NATD1: variants seen among roughly 807,000 people sequenced by gnomAD.
NATD1 encodes the protein N-acetyltransferase domain containing 1.
Under a neutral mutation model 12.0 loss-of-function variants are expected in NATD1, and 9 were observed. That is an observed-to-expected ratio of 0.75 (90% confidence interval 0.45 to 1.30). The LOEUF is 1.30. Among genes scored for constraint, NATD1 ranks in the 50% most tolerant of loss-of-function variants. The probability of loss-of-function intolerance (pLI) is 0.00; values close to 1 mark genes in which losing one functional copy is unlikely to be tolerated. For missense variants in NATD1, 148 were observed against 148.5 expected, an observed-to-expected ratio of 1.00 and a Z score of 0.02; for synonymous variants, 71 against 65.9, an observed-to-expected ratio of 1.08 and a Z score of -0.37.
rs1975282311 is a variant in NATD1, at chr17:21,242,340, G to A, written c.*973C>T. On this transcript the variant is annotated 3_prime_UTR_variant, in exon 3 of 3. Coordinates refer to ENST00000611551, the MANE Select transcript of NATD1 (RefSeq NM_152914.3). ...TCCGGCTGTAGCCAGCCACAAAAGA[G>A]GACACTGATGTCTGGCAGCAGCACA... is the stretch of plus-strand genomic sequence containing the variant. The A allele has an allele frequency of 6.6e-6, 1 of 152,260 alleles. No homozygotes were observed. Among genetic ancestry groups the A allele is most frequent in the South Asian group, 2.1e-4 (1 of 4,834 alleles). 9.4% of individuals were successfully genotyped at this position (152,260 alleles called of 1,614,324 possible). A position where few individuals can be genotyped will look rare whatever the true frequency, so the allele number is the denominator to read the frequency against.
chr17:21,241,181 C>T lies in NATD1; in HGVS notation c.*2132G>A, dbSNP rs573456523. On this transcript the variant is annotated 3_prime_UTR_variant, in exon 3 of 3. Transcript: ENST00000611551. ...AACAGAGTGGCACCAGGCCCATTCC[C>T]TCCTGGCTCTCAAGGTCCATGCTGG... The T allele has an allele frequency of 1.3e-5, 2 of 152,506 alleles. No individual in the cohort carries two copies. Among genetic ancestry groups the T allele is most frequent in the South Asian group, 4.1e-4 (2 of 4,826 alleles). The allele number at this position is 152,506 out of a possible 1,614,324, so 9.4% of individuals were successfully genotyped here. A position where few individuals can be genotyped will look rare whatever the true frequency, so the allele number is the denominator to read the frequency against.
chr17:21,249,969 A>G (rs112659269), intron 1 of NATD1, among the ~76,000 whole-genome samples: 3 of 152,160 alleles, frequency 2.0e-5, no homozygotes, highest in African/African-American at 7.2e-5. Context: ...TTCCTTCCAC[A>G]TCTGTCCAGG....
At position 21,243,248 on chromosome 17, in the gene NATD1, C is replaced by T. The variant is rs1210517508; in HGVS notation, c.*65G>A. On this transcript the variant is annotated 3_prime_UTR_variant, in exon 3 of 3. Coordinates refer to ENST00000611551, the MANE Select transcript of NATD1 (RefSeq NM_152914.3). ...CAGTGGGACCAGGTTCCTGAGAGCA[C>T]GTGGGGCCAGGCAAAGGCCACGTGG... 24 of 1,336,570 alleles carry T rather than the reference C, an allele frequency of 1.8e-5. No individual in the cohort carries two copies. Among genetic ancestry groups the T allele is most frequent in the South Asian group, 2.4e-5 (2 of 82,402 alleles). The allele number at this position is 1,336,570 out of a possible 1,614,324, so 82.8% of individuals were successfully genotyped here.
In NATD1 at chr17:21,239,329, T is replaced by C. The variant is rs566063812; in HGVS notation, c.*3984A>G. 3 of 152,338 alleles carry C rather than the reference T, an allele frequency of 2.0e-5. No individual in the cohort carries two copies. Among genetic ancestry groups the C allele is most frequent in the Non-Finnish European group, 2.9e-5 (2 of 68,066 alleles). The allele number at this position is 152,338 out of a possible 1,614,324, so 9.4% of individuals were successfully genotyped here. A position where few individuals can be genotyped will look rare whatever the true frequency, so the allele number is the denominator to read the frequency against. On this transcript the variant is annotated 3_prime_UTR_variant, in exon 3 of 3. Coordinates refer to ENST00000611551, the MANE Select transcript of NATD1 (RefSeq NM_152914.3). ...TGTCATGAGCAGACATAAGACCTCA[T>C]ATCACACAAGCTTGATGCCACCAAG...
chr17:21,251,630 T>A (rs1452189712), intron 1 of NATD1, among the ~76,000 whole-genome samples: 1 of 152,172 alleles, frequency 6.6e-6, no homozygotes, highest in East Asian at 1.9e-4. Context: ...CACAACATTG[T>A]CAGGGTATTG....
At chr17:21,245,168 A>G (rs115487141) in intron 1 of NATD1, among the ~76,000 whole-genome samples, 2,821 of 152,126 alleles carry the variant, frequency 0.019, 84 homozygotes, top group African/African-American at 0.065. Flanking sequence ...TTCTGGGCAG[A>G]GGGAACAGCC....
chr17:21,243,532 A>C, intron 2 of NATD1, 103 bp from the exon 3 acceptor site: 1 of 844,800 alleles, frequency 1.2e-6, no homozygotes, highest in Middle Eastern at 2.9e-4. Context: ...CCACCCTTCC[A>C]CTTTGCCCAG....
At chr17:21,248,394 G>A (rs532373929) in intron 1 of NATD1, among the ~76,000 whole-genome samples, 121 of 152,298 alleles carry the variant, frequency 7.9e-4, no homozygotes, top group African/African-American at 2.3e-3. Context: ...CCCTCGGCAG[G>A]ACCGTGGACA....
At chr17:21,251,312 C>A (rs34735598) in intron 1 of NATD1, among the ~76,000 whole-genome samples, 27,564 of 133,592 alleles carry the variant, frequency 0.21, 2,873 homozygotes, top group Non-Finnish European at 0.24. Context: ...AAAAAAAAAA[C>A]AAACGTATCC....
chr17:21,243,114 T>C lies in NATD1; in HGVS notation c.*199A>G, dbSNP rs947605542. ...GAGGTGCCGGGACTACCTGGCCTCCTTGCCGCCTCGGTTACCGGGTCACCG... is the reference window on the plus strand; with the variant it reads ...GAGGTGCCGGGACTACCTGGCCTCCCTGCCGCCTCGGTTACCGGGTCACCG... On this transcript the variant is annotated 3_prime_UTR_variant, in exon 3 of 3. Coordinates refer to ENST00000611551, the MANE Select transcript of NATD1 (RefSeq NM_152914.3). The C allele has an allele frequency of 1.1e-5, 6 of 541,386 alleles. No homozygotes were observed. Among genetic ancestry groups the C allele is most frequent in the African/African-American group, 9.5e-5 (5 of 52,806 alleles). 33.5% of individuals were successfully genotyped at this position (541,386 alleles called of 1,614,324 possible). A position where few individuals can be genotyped will look rare whatever the true frequency, so the allele number is the denominator to read the frequency against.
chr17:21,239,352 A>T lies in NATD1; in HGVS notation c.*3961T>A, dbSNP rs1265854342. ...CATATCACACAAGCTTGATGCCACC[A>T]AGAGGACGGGAGCTGGGCTGGGTCC... On this transcript the variant is annotated 3_prime_UTR_variant, in exon 3 of 3. Transcript: ENST00000611551. 6.6e-6 allele frequency: 1 copy of T among 152,226 alleles called. No individual in the cohort carries two copies. Among genetic ancestry groups the T allele is most frequent in the Non-Finnish European group, 1.5e-5 (1 of 68,106 alleles). 9.4% of individuals were successfully genotyped at this position (152,226 alleles called of 1,614,324 possible).
chr17:21,252,036 C>T (rs1333148392), intron 1 of NATD1, among the ~76,000 whole-genome samples: 2 of 152,184 alleles, frequency 1.3e-5, no homozygotes, highest in Non-Finnish European at 2.9e-5. Context: ...ACTGGCAGGG[C>T]GTGGTGGCTC....
At chr17:21,251,531 G>A (rs1000362994) in intron 1 of NATD1, among the ~76,000 whole-genome samples, 11 of 152,140 alleles carry the variant, frequency 7.2e-5, no homozygotes, top group African/African-American at 2.7e-4. Flanking sequence ...GGTTGGTTGG[G>A]CCAATGGTGA....
At chr17:21,251,283 G>GAAAGAA (rs1555544843) in intron 1 of NATD1, among the ~76,000 whole-genome samples, 2 of 93,778 alleles carry the variant, frequency 2.1e-5, no homozygotes, top group African/African-American at 4.1e-5. Flanking sequence ...ACTTGGAAGA[G>GAAAGAA]AAAGAAAAAG....
At chr17:21,252,684 G>A (rs1271397138) in intron 1 of NATD1, among the ~76,000 whole-genome samples, 1 of 152,034 alleles carries the variant, frequency 6.6e-6, no homozygotes, top group Non-Finnish European at 1.5e-5. Context: ...AGGGGCAGCA[G>A]GAAGCCATAT....
chr17:21,245,508 G>T (rs1457799647), intron 1 of NATD1, among the ~76,000 whole-genome samples: 2 of 152,224 alleles, frequency 1.3e-5, no homozygotes, highest in Admixed American at 6.5e-5. Flanking sequence ...GCCAACGGCA[G>T]CAAGGAGGCC....
chr17:21,253,203 A>T lies in NATD1; in HGVS notation c.62T>A (p.Val21Glu). The T allele has an allele frequency of 9.9e-7, 1 of 1,009,192 alleles. No homozygotes were observed. The highest frequency in any genetic ancestry group is 1.2e-6 in the Non-Finnish European group (1 of 847,474). The allele number at this position is 1,009,192 out of a possible 1,614,324, so 62.5% of individuals were successfully genotyped here. The change falls in exon 1 of 3, where the codon GTG (valine) becomes GAG (glutamate). Residue 21 changes from valine (V) to glutamate (E), a missense_variant. Physicochemically the swap from Val to Glu is moderately radical, Grantham distance 121 (BLOSUM62 -2). Coordinates refer to ENST00000611551, the MANE Select transcript of NATD1 (RefSeq NM_152914.3). The part of the protein sequence containing the change: ...GALEQGCPIR[V>E]EHDRRRRQFT... ...CTGGCGGCGCCGGCGGTCGTGCTCC[A>T]CGCGGATGGGGCAGCCCTGCTCCAG...
rs764451940 is a variant in NATD1, at chr17:21,244,117, GCTTGGCGATGCCACGCCCACGGTAGGCAT to G, written c.185_213del (p.Asp62AlafsTer103). 6.2e-7 allele frequency: 1 copy of G among 1,612,038 alleles called. No homozygotes were observed. The highest frequency in any genetic ancestry group is 8.5e-7 in the Non-Finnish European group (1 of 1,179,428). On this transcript the variant is annotated frameshift_variant, in exon 2 of 3. Coordinates refer to ENST00000611551, the MANE Select transcript of NATD1 (RefSeq NM_152914.3). LOFTEE classifies it high-confidence loss of function. This position sits in a 1 kb window ranked among gnomAD's most constrained non-coding sequence, Gnocchi z 5.2. The stretch of plus-strand genomic sequence containing the variant: ...CCTGCCTGCCCTACCTTGGCAAGGT[GCTTGGCGATGCCACGCCCACGGTAGGCAT>G]CTGGGACCTCGGTGTGCTGCAGGTC...
Position 21,240,572 on chromosome 17 carries a change from T to G in NATD1, c.*2741A>C, listed in dbSNP as rs9898930. 1 of 152,482 alleles carries G rather than the reference T, an allele frequency of 6.6e-6. No homozygotes were observed. Among genetic ancestry groups the G allele is most frequent in the African/African-American group, 2.4e-5 (1 of 41,386 alleles). 9.4% of individuals were successfully genotyped at this position (152,482 alleles called of 1,614,324 possible). ...TGGGTCCACACCCTGCCGCCGGCCC[T>G]GAGGAGGGAAGGCACGAGTCACTGC... On this transcript the variant is annotated 3_prime_UTR_variant, in exon 3 of 3. Transcript: ENST00000611551.
Sources: allele counts gnomAD v4.1 joint callset (sites outside exome capture counted in the v4.1 genomes callset), GRCh38; gene constraint gnomAD v4.1.1; non-coding constraint Gnocchi (gnomAD v3.1); transcripts MANE v1.5; gene names NCBI Gene and HGNC (gene_info 2026-07-23, HGNC 2026-07-21).